RAB19: variants seen among roughly 807,000 people sequenced by gnomAD.
RAB19 encodes the protein ras-related protein Rab-19.
RAB19 carries 21 observed loss-of-function variants against 17.3 expected under a neutral mutation model. That is an observed-to-expected ratio of 1.21 (90% CI 0.86 to 1.74). The LOEUF (loss-of-function observed/expected upper bound fraction) is 1.74. Among genes scored for constraint, RAB19 ranks in the 40% most tolerant of loss-of-function variants. The pLI is 0.00. For synonymous variants in RAB19, 126 were observed against 110.4 expected (o/e 1.14, Z -0.88); for missense variants, 277 against 286.8 (o/e 0.97, Z 0.25).
chr7:140,412,872 T>C (rs1168946281), intron 3 of RAB19, among the ~76,000 whole-genome samples: 2 of 151,386 alleles, frequency 1.3e-5, no homozygotes, highest in Non-Finnish European at 2.9e-5. Flanking sequence ...ATGCCTGTAA[T>C]CCCAGCACTT....
rs1332530272 is a variant in RAB19 at position 140,426,759 on chromosome 7, C to G, written c.*609C>G. 6.6e-6 allele frequency among the ~76,000 whole-genome samples: 1 copy of G among 151,916 alleles called. No individual in the cohort carries two copies. The highest frequency in any genetic ancestry group is 1.5e-5 in the Non-Finnish European group (1 of 68,000). On this transcript the variant is annotated 3_prime_UTR_variant, in exon 4 of 4. Transcript: ENST00000537763. ...CAGGAACTGTCTGATAGAGATGGAA[C>G]TGGAATTCACTCTATTCTAGCAGGG...
At chr7:140,419,900 T>C (rs1246487791) in intron 3 of RAB19, among the ~76,000 whole-genome samples, 1 of 152,226 alleles carries the variant, frequency 6.6e-6, no homozygotes, top group Middle Eastern at 3.2e-3. Flanking sequence ...ATTGAACACC[T>C]TTTCAGGTGT....
rs1327142718 is a variant in RAB19, at chr7:140,426,118, G to A, written c.622G>A (p.Gly208Ser). Residue 208 changes from glycine to serine, a missense_variant, in exon 4 of 4, where the codon GGT becomes AGT. Gly to Ser is a moderately conservative substitution (Grantham distance 56, BLOSUM62 0). Transcript: ENST00000537763. ...CTCCAGCCCCGTTCTTATGGCCCAG[G>A]GTCCAAGTGAAAAGACCCACTGCAC... ...LDSSPVLMAQ[G>S]PSEKTHCTC The A allele has an allele frequency of 3.1e-6, 5 of 1,613,862 alleles. No homozygotes were observed. Among genetic ancestry groups the A allele is most frequent in the Non-Finnish European group, 4.2e-6 (5 of 1,179,990 alleles).
rs1322938027 is a variant in RAB19 at position 140,427,815 on chromosome 7, C to T, written c.*1665C>T. 6.6e-6 allele frequency among the ~76,000 whole-genome samples: 1 copy of T among 151,560 alleles called. No homozygotes were observed. Among genetic ancestry groups the T allele is most frequent in the Non-Finnish European group, 1.5e-5 (1 of 67,914 alleles). The stretch of plus-strand genomic sequence containing the variant: ...ACGTTGCCCAGGCTGGTCTCCAATT[C>T]CTGAGCTCACAGGTTTCTCCCACCT... On this transcript the variant is annotated 3_prime_UTR_variant, in exon 4 of 4. Transcript: ENST00000537763.
intron 3 of RAB19, among the ~76,000 whole-genome samples, chr7:140,413,612 G>GA (rs970139347): frequency 2.6e-5 from 4 of 152,114 alleles, no homozygotes; most frequent in African/African-American, 9.7e-5. Flanking sequence ...GGGGTGGGGG[G>GA]AATCACTTGA....
chr7:140,415,978 G>A (rs1320737306), intron 3 of RAB19, among the ~76,000 whole-genome samples: 1 of 152,036 alleles, frequency 6.6e-6, no homozygotes, highest in Admixed American at 6.6e-5. Flanking sequence ...GGCTGAGGTG[G>A]GGGGTTGCTT....
At chr7:140,405,555 A>AG (rs1237815547) in intron 1 of RAB19, among the ~76,000 whole-genome samples, 6 of 79,916 alleles carry the variant, frequency 7.5e-5, no homozygotes, top group Non-Finnish European at 1.2e-4. Flanking sequence ...ATGGGCGGGG[A>AG]GGGGGGGCGC....
At chr7:140,411,830 T>C in intron 2 of RAB19, 44 bp from the exon 3 acceptor site, 2 of 1,614,116 alleles carry the variant, frequency 1.2e-6, no homozygotes, top group South Asian at 1.1e-5. Flanking sequence ...TCCCATTACC[T>C]GTGGGAACCC....
At chr7:140,424,647 GTGTATATATGTGTGTGTATA>G (rs1563075585) in intron 3 of RAB19, among the ~76,000 whole-genome samples, 1 of 127,474 alleles carries the variant, frequency 7.8e-6, no homozygotes, top group African/African-American at 3.5e-5. Context: ...ATATGTGTGT[GTGTATATATGTGTGTGTATA>G]TATATATATA....
chr7:140,418,851 C>T (rs1585428130), intron 3 of RAB19, among the ~76,000 whole-genome samples: 1 of 117,366 alleles, frequency 8.5e-6, no homozygotes, highest in East Asian at 2.7e-4. Context: ...ACAGTGAAAC[C>T]CTGTCTCAAA....
intron 3 of RAB19, among the ~76,000 whole-genome samples, chr7:140,413,245 C>T (rs968226484): frequency 1.3e-5 from 2 of 152,238 alleles, no homozygotes; most frequent in South Asian, 4.1e-4. Context: ...GTCTATGTGT[C>T]TGTTTTTATC....
chr7:140,426,839 C>CT lies in RAB19; in HGVS notation c.*709dup, dbSNP rs398067341. Among the ~76,000 whole-genome samples, 22,179 of 123,962 alleles carry CT rather than the reference C, an allele frequency of 0.18. 3,323 individuals carry two copies. The highest frequency in any genetic ancestry group is 0.4 in the African/African-American group (12,309 of 30,834). The allele number at this position is 123,962 out of a possible 152,430, so 81.3% of individuals were successfully genotyped here. ...AAGACACCTGCAATTTTTTTTCTTT[C>CT]TTTTTTTTTTTTTTTTTTTTGAGAC... On this transcript the variant is annotated 3_prime_UTR_variant, in exon 4 of 4. Coordinates refer to ENST00000537763, the MANE Select transcript of RAB19 (RefSeq NM_001008749.3).
rs768689260 is a variant in RAB19, at chr7:140,406,134, T to A, written c.-23-1490T>A. On this transcript the variant is annotated intron_variant, in intron 1 of 3. Transcript: ENST00000537763. ...GGCAGGCACCTGTAATCCCAGCTAC[T>A]TGGGAGGCTGAGGCAAGAGAATCGC... is the stretch of plus-strand genomic sequence containing the variant. 2.0e-5 allele frequency among the ~76,000 whole-genome samples: 3 copies of A among 151,622 alleles called. No homozygotes were observed. In the South Asian group the frequency reaches 6.2e-4, roughly 32 times the overall value.
At chr7:140,414,366 C>T (rs11771129) in intron 3 of RAB19, among the ~76,000 whole-genome samples, 5,766 of 152,170 alleles carry the variant, frequency 0.038, 128 homozygotes, top group Non-Finnish European at 0.044. Context: ...CTGAAGGCAG[C>T]GACCTGTCTC....
chr7:140,423,299 G>T (rs2130161976), intron 3 of RAB19, among the ~76,000 whole-genome samples: 1 of 152,030 alleles, frequency 6.6e-6, no homozygotes, highest in East Asian at 1.9e-4. Context: ...AATTAGCTGG[G>T]CATGGTGGCA....
At chr7:140,421,818 GT>G (rs147422273) in intron 3 of RAB19, among the ~76,000 whole-genome samples, 3,101 of 152,208 alleles carry the variant, frequency 0.02, 95 homozygotes, top group African/African-American at 0.07. Context: ...TCTTGATGGT[GT>G]ATTGTGATGA....
At chr7:140,424,561 G>A (rs1799618477) in intron 3 of RAB19, among the ~76,000 whole-genome samples, 1 of 150,572 alleles carries the variant, frequency 6.6e-6, no homozygotes, top group Non-Finnish European at 1.5e-5. Flanking sequence ...GGGGGAAACA[G>A]GGTGAAGGGT....
chr7:140,411,885 G>GGACACAGCTGGCCAGGAGCGC lies in RAB19; in HGVS notation c.214_234dup (p.Asp72_Arg78dup), dbSNP rs760628431. 2 of 1,614,184 alleles carry GGACACAGCTGGCCAGGAGCGC rather than the reference G, an allele frequency of 1.2e-6. No individual in the cohort carries two copies. Among genetic ancestry groups the GGACACAGCTGGCCAGGAGCGC allele is most frequent in the African/African-American group, 2.7e-5 (2 of 75,048 alleles). ...CTGTCCTTCTCCAGATGCAGGTGTGGGACACAGCTGGCCAGGAGCGCTTCC... is the reference window on the plus strand; with the variant it reads ...CTGTCCTTCTCCAGATGCAGGTGTGGGACACAGCTGGCCAGGAGCGCGACACAGCTGGCCAGGAGCGCTTCC... On this transcript the variant is annotated inframe_insertion, in exon 3 of 4. Coordinates refer to ENST00000537763, the MANE Select transcript of RAB19 (RefSeq NM_001008749.3).
chr7:140,424,099 C>T (rs1280155529), intron 3 of RAB19, among the ~76,000 whole-genome samples: 1 of 151,786 alleles, frequency 6.6e-6, no homozygotes, highest in African/African-American at 2.4e-5. Flanking sequence ...AGGTGATCCA[C>T]CCGCCTCGGC....
Sources: allele counts gnomAD v4.1 joint callset (sites outside exome capture counted in the v4.1 genomes callset), GRCh38; gene constraint gnomAD v4.1.1; transcripts MANE v1.5; gene names NCBI Gene and HGNC (gene_info 2026-07-23, HGNC 2026-07-21).